Variants in CSMD1 observed in about 807,000 individuals in gnomAD.
CSMD1 encodes the protein CUB and sushi domain-containing protein 1.
In CSMD1, 213 loss-of-function variants were observed where a neutral mutation model predicts 417.5. The ratio of observed to expected loss-of-function variants is 0.51; its 90% CI spans 0.46 to 0.57. The LOEUF is 0.57. Ranked by LOEUF, CSMD1 falls within the 20% of genes least tolerant of loss-of-function variation. The pLI, the probability that CSMD1 is intolerant of heterozygous loss-of-function variation, is 0.00. For missense variants in CSMD1, 6,923 were observed against 4,529.7 expected (o/e 1.53, Z -15.17); for synonymous variants, 2,862 against 1,736.8 (o/e 1.65, Z -16.11).
At chr8:4,877,545 C>A (rs1355674518) in intron 1 of CSMD1, among the ~76,000 whole-genome samples, 1 of 152,086 alleles carries the variant, frequency 6.6e-6, no homozygotes, top group Non-Finnish European at 1.5e-5. Flanking sequence ...CATATCAATG[C>A]ATTGCACTAA....
In CSMD1 at chr8:3,411,969, C is replaced by CGT. The variant is rs1284516301; in HGVS notation, c.1562-2366_1562-2365dup. Among the ~76,000 whole-genome samples, 73 of 56,268 alleles carry CGT rather than the reference C, an allele frequency of 1.3e-3. 17 individuals are homozygous for CGT. The highest frequency in any genetic ancestry group is 4.7e-3 in the African/African-American group (63 of 13,376). 36.9% of individuals were successfully genotyped at this position (56,268 alleles called of 152,430 possible). A position where few individuals can be genotyped will look rare whatever the true frequency, so the allele number is the denominator to read the frequency against. On this transcript the variant is annotated intron_variant, in intron 12 of 69. Coordinates refer to ENST00000635120, the MANE Select transcript of CSMD1 (RefSeq NM_033225.6). ...ACGTATATATACACGTATATATGCACGTATATATACACGTATATATACGTG... is the reference window on the plus strand; with the variant it reads ...ACGTATATATACACGTATATATGCACGTGTATATATACACGTATATATACGTG...
At chr8:4,411,310 C>T (rs372659937) in intron 3 of CSMD1, among the ~76,000 whole-genome samples, 1 of 152,078 alleles carries the variant, frequency 6.6e-6, no homozygotes, top group African/African-American at 2.4e-5. Flanking sequence ...TCCTTTTAGA[C>T]AAGTAACTAT....
intron 3 of CSMD1, among the ~76,000 whole-genome samples, chr8:4,150,900 C>G (rs1796538751): frequency 6.6e-6 from 1 of 152,124 alleles, no homozygotes; most frequent in African/African-American, 2.4e-5. Flanking sequence ...TGAGAAAGAG[C>G]AATGTTTTGT....
At chr8:3,603,629 T>A (rs1229874827) in intron 8 of CSMD1, among the ~76,000 whole-genome samples, 3 of 152,232 alleles carry the variant, frequency 2.0e-5, no homozygotes, top group Non-Finnish European at 2.9e-5. Flanking sequence ...AAACGGATTA[T>A]GTCACAAAGG....
rs371839040 is a variant in CSMD1 at position 3,162,214 on chromosome 8, C to T, written c.5789G>A (p.Arg1930Gln). Residue 1930 changes from arginine to glutamine, a missense_variant, in exon 38 of 70, where the codon CGG becomes CAG. Coordinates refer to ENST00000635120, the MANE Select transcript of CSMD1 (RefSeq NM_033225.6). ...LPSNSIKIGD[R>Q]YMVNDVLSFQ... is the part of the protein sequence containing the mutation. ...GGAGAGCACGTCGTTCACCATGTAC[C>T]GATCTCCGATTTTGATGCTGTTGCT... is the stretch of plus-strand genomic sequence containing the variant. The T allele has an allele frequency of 8.7e-6, 14 of 1,611,288 alleles. No individual in the cohort carries two copies. Among genetic ancestry groups the T allele is most frequent in the African/African-American group, 1.3e-5 (1 of 74,900 alleles).
chr8:4,218,968 A>C (rs570257456), intron 3 of CSMD1, among the ~76,000 whole-genome samples: 2 of 152,302 alleles, frequency 1.3e-5, no homozygotes, highest in South Asian at 4.1e-4. Flanking sequence ...ACGTATGTCT[A>C]ATCAAATACT....
intron 52 of CSMD1, among the ~76,000 whole-genome samples, chr8:3,008,607 GT>G (rs202143969): frequency 0.021 from 3,132 of 152,282 alleles, 99 homozygotes; most frequent in African/African-American, 0.07. Flanking sequence ...AACGAATCCG[GT>G]TCCTTCAGAA....
intron 8 of CSMD1, among the ~76,000 whole-genome samples, chr8:3,610,380 T>G (rs557769214): frequency 3.9e-5 from 6 of 152,092 alleles, no homozygotes; most frequent in Non-Finnish European, 8.8e-5. Context: ...AAAAATCTTT[T>G]AACAAATTAA....
intron 39 of CSMD1, among the ~76,000 whole-genome samples, chr8:3,155,000 G>C (rs1306759240): frequency 1.3e-5 from 2 of 152,014 alleles, no homozygotes; most frequent in African/African-American, 4.8e-5. Context: ...TTAAAACAAT[G>C]AAAAAACTTG....
chr8:3,219,949 C>A (rs943352626), intron 28 of CSMD1, among the ~76,000 whole-genome samples: 2 of 151,928 alleles, frequency 1.3e-5, no homozygotes, highest in African/African-American at 4.8e-5. Flanking sequence ...GCAGTTCTCC[C>A]AGCCTAGGTA....
intron 2 of CSMD1, among the ~76,000 whole-genome samples, chr8:4,621,405 G>C (rs921560068): frequency 1.3e-4 from 20 of 152,094 alleles, no homozygotes; most frequent in Non-Finnish European, 2.6e-4. Context: ...TTTATAATTA[G>C]AGATGCTCAA....
intron 3 of CSMD1, among the ~76,000 whole-genome samples, chr8:4,108,769 G>C (rs568990394): frequency 6.6e-6 from 1 of 151,646 alleles, no homozygotes; most frequent in African/African-American, 2.4e-5. Flanking sequence ...AGCTCATTAA[G>C]ATCTGAAATA....
chr8:4,386,206 T>C lies in CSMD1; in HGVS notation c.415+33747A>G, dbSNP rs764578158. On this transcript the variant is annotated intron_variant, in intron 3 of 69. Coordinates refer to ENST00000635120, the MANE Select transcript of CSMD1 (RefSeq NM_033225.6). The stretch of plus-strand genomic sequence containing the variant: ...CAGACATTCTCCTACCTTCCATCCC[T>C]GGTTATGACTTCCATCCAACTCAAG... 4.4e-4 allele frequency among the ~76,000 whole-genome samples: 64 copies of C among 145,436 alleles called. 1 individual carries two copies. The highest frequency in any genetic ancestry group is 1.0e-3 in the Admixed American group (15 of 14,662).
At chr8:3,590,705 T>C (rs1458274168) in intron 8 of CSMD1, among the ~76,000 whole-genome samples, 2 of 152,204 alleles carry the variant, frequency 1.3e-5, no homozygotes, top group African/African-American at 2.4e-5. Context: ...CTTCATTTGA[T>C]TGCAGCTGGC....
intron 3 of CSMD1, among the ~76,000 whole-genome samples, chr8:4,070,881 G>C (rs1273970247): frequency 1.3e-5 from 2 of 152,026 alleles, no homozygotes; most frequent in Non-Finnish European, 2.9e-5. Flanking sequence ...TTTTTGCTTT[G>C]TTTACTTTCT....
At chr8:4,521,632 T>C (rs534003659) in intron 2 of CSMD1, among the ~76,000 whole-genome samples, 25 of 152,244 alleles carry the variant, frequency 1.6e-4, no homozygotes, top group African/African-American at 5.8e-4. Flanking sequence ...CAAGGTAACT[T>C]TATGGTAGAA....
chr8:3,996,243 C>T (rs1020947383), intron 5 of CSMD1, among the ~76,000 whole-genome samples: 1 of 152,160 alleles, frequency 6.6e-6, no homozygotes, highest in Non-Finnish European at 1.5e-5. Context: ...ATGCCCAATA[C>T]CTCTGGACTG....
At chr8:4,943,420 CG>C (rs1808153174) in intron 1 of CSMD1, among the ~76,000 whole-genome samples, 1 of 151,640 alleles carries the variant, frequency 6.6e-6, no homozygotes. Context: ...GGCGTGAACC[CG>C]GGAGGCGGAG....
At chr8:3,271,873 T>A (rs905755901) in intron 26 of CSMD1, among the ~76,000 whole-genome samples, 9 of 152,132 alleles carry the variant, frequency 5.9e-5, no homozygotes, top group Non-Finnish European at 8.8e-5. Context: ...TCTCCCATTT[T>A]GTAGGTTGCC....
Sources: allele counts gnomAD v4.1 joint callset (sites outside exome capture counted in the v4.1 genomes callset), GRCh38; gene constraint gnomAD v4.1.1; transcripts MANE v1.5; gene names NCBI Gene and HGNC (gene_info 2026-07-23, HGNC 2026-07-21).